DYNC2H1: variants seen among roughly 807,000 people sequenced by gnomAD.
DYNC2H1 encodes the protein dynein cytoplasmic 2 heavy chain 1.
In DYNC2H1, 410 loss-of-function variants were observed where a neutral mutation model predicts 570.0. The observed-to-expected ratio is 0.72, with a 90% CI of 0.66 to 0.78. DYNC2H1 has a LOEUF of 0.78. Ranked by LOEUF, DYNC2H1 falls within the 30% of genes least tolerant of loss-of-function variation. The pLI, the probability that DYNC2H1 is intolerant of heterozygous loss-of-function variation, is 0.00. For missense variants in DYNC2H1, 4,865 were observed against 5,046.4 expected, an observed-to-expected ratio of 0.96 and a Z score of 1.09; for synonymous variants, 1,688 against 1,677.6, an observed-to-expected ratio of 1.01 and a Z score of -0.15.
chr11:103,168,944 A>G lies in DYNC2H1; in HGVS notation c.4952A>G (p.Tyr1651Cys), dbSNP rs773286565. The G allele has an allele frequency of 6.2e-7, 1 of 1,610,504 alleles. No individual in the cohort carries two copies. Among genetic ancestry groups the G allele is most frequent in the Non-Finnish European group, 8.5e-7 (1 of 1,178,742 alleles). The change falls in exon 32 of 89, where the codon TAT becomes TGT. Residue 1651 changes from tyrosine (Y) to cysteine (C), a missense_variant. Tyr to Cys is a radical substitution (Grantham distance 194). This residue lies in a region of DYNC2H1 where 1,936 missense variants were observed against 1,962.1 expected (regional missense o/e 0.99). Transcript: ENST00000375735. Reference sequence around the variant, plus strand: ...CAAATGGTGGATTCTGAATTTCAGTATACTTATGAATATCAGGTATGAGTT... The same window carrying G: ...CAAATGGTGGATTCTGAATTTCAGTGTACTTATGAATATCAGGTATGAGTT... ...CVQMVDSEFQ[Y>C]TYEYQGNASK...
intron 68 of DYNC2H1, 137 bp from the exon 69 acceptor site, chr11:103,257,471 A>G (rs1036169816): frequency 2.4e-6 from 2 of 818,054 alleles, no homozygotes; most frequent in Non-Finnish European, 3.4e-6. Context: ...CATCATCTTC[A>G]TTTGTTTTAT....
chr11:103,380,225 A>G (rs1211093105), intron 83 of DYNC2H1, among the ~76,000 whole-genome samples: 1 of 152,208 alleles, frequency 6.6e-6, no homozygotes, highest in Non-Finnish European at 1.5e-5. Context: ...AACAGTCGAG[A>G]TAACTCACTA....
At chr11:103,390,921 C>G (rs1267562954) in intron 83 of DYNC2H1, among the ~76,000 whole-genome samples, 1 of 152,130 alleles carries the variant, frequency 6.6e-6, no homozygotes, top group Non-Finnish European at 1.5e-5. Flanking sequence ...TCTCTGGCTG[C>G]CCTTACCATT....
chr11:103,451,870 C>T (rs1313339160), intron 85 of DYNC2H1, among the ~76,000 whole-genome samples: 1 of 152,040 alleles, frequency 6.6e-6, no homozygotes, highest in East Asian at 1.9e-4. Context: ...ATGTTATTAA[C>T]TCATTTTCAT....
intron 70 of DYNC2H1, among the ~76,000 whole-genome samples, chr11:103,276,061 A>C (rs1325222069): frequency 1.3e-5 from 2 of 152,094 alleles, no homozygotes; most frequent in East Asian, 3.8e-4. Context: ...GGCCTTTCTC[A>C]TAGGTGTATA....
At chr11:103,345,907 A>G (rs1939719230) in intron 82 of DYNC2H1, among the ~76,000 whole-genome samples, 1 of 152,172 alleles carries the variant, frequency 6.6e-6, no homozygotes, top group African/African-American at 2.4e-5. Flanking sequence ...AAAATTTCTG[A>G]TTAGCTTTAG....
Position 103,358,366 on chromosome 11 carries a change from A to C in DYNC2H1, c.12156+7A>C. On this transcript the variant is annotated splice_region_variant and intron_variant, in intron 83 of 88. Coordinates refer to ENST00000375735, the MANE Select transcript of DYNC2H1 (RefSeq NM_001377.3). ...CTGGAAGAAACTAAACCAGGTTAGT[A>C]GTGGAATATTCTTCTGATTCTTTTG... The C allele has an allele frequency of 6.5e-7, 1 of 1,531,516 alleles. No homozygotes were observed. Among genetic ancestry groups the C allele is most frequent in the Middle Eastern group, 1.7e-4 (1 of 5,952 alleles). 94.9% of individuals were successfully genotyped at this position (1,531,516 alleles called of 1,614,324 possible). A position where few individuals can be genotyped will look rare whatever the true frequency, so the allele number is the denominator to read the frequency against.
rs1310715985 is a variant in DYNC2H1, at chr11:103,187,499, T to C, written c.7053T>C (p.Cys2351=). ...NTGRVYRPKD[C]ERLVLYLKDI... Reference sequence around the variant, plus strand: ...GTCGTGTATACAGACCAAAAGACTGTGAAAGACTTGTTCTGTACTTAAAAG... The same window carrying C: ...GTCGTGTATACAGACCAAAAGACTGCGAAAGACTTGTTCTGTACTTAAAAG... Residue 2351 remains cysteine, a synonymous_variant, in exon 43 of 89, where the codon TGT becomes TGC. Transcript: ENST00000375735. The C allele has an allele frequency of 6.2e-7, 1 of 1,613,296 alleles. No homozygotes were observed. Among genetic ancestry groups the C allele is most frequent in the African/African-American group, 1.3e-5 (1 of 74,870 alleles).
chr11:103,136,672 G>A (rs1484081590), intron 17 of DYNC2H1, among the ~76,000 whole-genome samples: 2 of 152,078 alleles, frequency 1.3e-5, no homozygotes, highest in African/African-American at 2.4e-5. Flanking sequence ...TGTGAATAGT[G>A]CCACAATAAA....
intron 59 of DYNC2H1, among the ~76,000 whole-genome samples, chr11:103,230,312 C>T (rs1273767852): frequency 6.6e-6 from 1 of 152,124 alleles, no homozygotes; most frequent in Non-Finnish European, 1.5e-5. Context: ...GGCCTGGGCT[C>T]CTTGGCTGCT....
chr11:103,454,917 G>A (rs1944733859), intron 85 of DYNC2H1: 3 of 354,206 alleles, frequency 8.5e-6, no homozygotes, highest in South Asian at 5.0e-5. Context: ...CTGTACATTA[G>A]GTTAATTTTC....
In DYNC2H1 at chr11:103,234,082, C is replaced by T; in HGVS notation, c.9489C>T (p.Ser3163=). ...SEAAKLEAEV[S]KAQETIKAAE... Reference sequence around the variant, plus strand: ...CTGCCAAACTTGAGGCTGAAGTAAGCAAGGCACAAGAAACAATCAAAGCTG... The same window carrying T: ...CTGCCAAACTTGAGGCTGAAGTAAGTAAGGCACAAGAAACAATCAAAGCTG... Residue 3163 remains serine, a synonymous_variant, in exon 61 of 89, where the codon AGC becomes AGT. Transcript: ENST00000375735. 1 of 1,566,552 alleles carries T rather than the reference C, an allele frequency of 6.4e-7. No individual in the cohort carries two copies. The highest frequency in any genetic ancestry group is 8.7e-7 in the Non-Finnish European group (1 of 1,154,414).
At chr11:103,318,376 T>C (rs1333299471) in intron 80 of DYNC2H1, among the ~76,000 whole-genome samples, 1 of 152,182 alleles carries the variant, frequency 6.6e-6, no homozygotes, top group Non-Finnish European at 1.5e-5. Flanking sequence ...CTTTTGCCTG[T>C]TTTTGTAAAA....
At chr11:103,206,752 G>A (rs7114424) in intron 52 of DYNC2H1, among the ~76,000 whole-genome samples, 3,460 of 152,256 alleles carry the variant, frequency 0.023, 114 homozygotes, top group African/African-American at 0.077. Flanking sequence ...GGAAATCGTT[G>A]GTGACTTTGA....
At chr11:103,462,868 T>C (rs1945065646) in intron 87 of DYNC2H1, among the ~76,000 whole-genome samples, 1 of 152,176 alleles carries the variant, frequency 6.6e-6, no homozygotes, top group Non-Finnish European at 1.5e-5. Context: ...TTCTTTTTGC[T>C]TTTATGAGGA....
At chr11:103,309,166 C>CTTTTTTTTTTTTTTTTTTTTT (rs1274431520) in intron 78 of DYNC2H1, among the ~76,000 whole-genome samples, 5 of 56,536 alleles carry the variant, frequency 8.8e-5, no homozygotes, top group Admixed American at 2.2e-4. Flanking sequence ...TAACTGCATG[C>CTTTTTTTTTTTTTTTTTTTTT]TATTTTTTTT....
intron 84 of DYNC2H1, among the ~76,000 whole-genome samples, chr11:103,427,790 A>G (rs1302778741): frequency 1.3e-5 from 2 of 152,052 alleles, no homozygotes; most frequent in African/African-American, 4.8e-5. Context: ...TCCTAATATT[A>G]TCACATTGGG....
At chr11:103,356,211 A>G (rs1001505054) in intron 82 of DYNC2H1, among the ~76,000 whole-genome samples, 3 of 152,200 alleles carry the variant, frequency 2.0e-5, no homozygotes, top group Non-Finnish European at 2.9e-5. Flanking sequence ...TTTATTATCT[A>G]TGCTTTATAA....
intron 87 of DYNC2H1, among the ~76,000 whole-genome samples, chr11:103,466,824 TAG>T (rs970854478): frequency 6.6e-6 from 1 of 152,174 alleles, no homozygotes; most frequent in African/African-American, 2.4e-5. Context: ...TATAGATTGA[TAG>T]AGTTACTTTG....
Sources: allele counts gnomAD v4.1 joint callset (sites outside exome capture counted in the v4.1 genomes callset), GRCh38; gene constraint gnomAD v4.1.1; regional missense constraint gnomAD v4.1.1; transcripts MANE v1.5; gene names NCBI Gene and HGNC (gene_info 2026-07-23, HGNC 2026-07-21).